The following GRIA2 variants were observed in gnomAD, a reference collection of about 807,000 sequenced individuals.
GRIA2 encodes glutamate receptor 2.
GRIA2 carries 14 observed loss-of-function variants against 97.3 expected under a neutral mutation model. The ratio of observed to expected loss-of-function variants is 0.14; its 90% CI spans 0.10 to 0.23. GRIA2 has a LOEUF of 0.23. Ranked by LOEUF, GRIA2 falls within the 10% of genes least tolerant of loss-of-function variation. The pLI is 1.00. For synonymous variants in GRIA2, 412 were observed against 387.8 expected (o/e 1.06, Z -0.73); for missense variants, 558 against 1,069.8 (o/e 0.52, Z 6.67).
intron 11 of GRIA2, among the ~76,000 whole-genome samples, chr4:157,340,780 T>C (rs1304146531): frequency 6.6e-6 from 1 of 152,016 alleles, no homozygotes; most frequent in Admixed American, 6.6e-5. Flanking sequence ...GCCTTTTTTG[T>C]TTTGGAAATT....
chr4:157,277,475 C>G (rs1159079467), intron 2 of GRIA2, among the ~76,000 whole-genome samples: 1 of 151,692 alleles, frequency 6.6e-6, no homozygotes, highest in Non-Finnish European at 1.5e-5. Flanking sequence ...AGGAACAAAG[C>G]AAGGATGTTC....
chr4:157,220,823 G>T lies in GRIA2; in HGVS notation c.-220G>T, dbSNP rs573040967. On this transcript the variant is annotated 5_prime_UTR_variant, in exon 1 of 16. Transcript: ENST00000264426. ...AAAACTGCATTCAGCCAGTCCTCCG[G>T]ACTTCTGGAGCGGGGACAGGGCGCA... 277 of 570,584 alleles carry T rather than the reference G, an allele frequency of 4.9e-4. 4 individuals carry two copies. The South Asian group carries it at 5.0e-3, about 10-fold the overall frequency. The allele number at this position is 570,584 out of a possible 1,614,324, so 35.3% of individuals were successfully genotyped here.
At chr4:157,287,575 G>A (rs760274910) in intron 2 of GRIA2, among the ~76,000 whole-genome samples, 1 of 151,628 alleles carries the variant, frequency 6.6e-6, no homozygotes, top group Admixed American at 6.6e-5. Context: ...AATTGCTTTC[G>A]ATTAATTTCC....
chr4:157,352,775 C>T (rs938809663), intron 12 of GRIA2, among the ~76,000 whole-genome samples: 28 of 150,608 alleles, frequency 1.9e-4, no homozygotes, highest in African/African-American at 5.9e-4. Context: ...CTTATAGGCC[C>T]GGCATGGTGG....
At chr4:157,231,314 C>G (rs1018700186) in intron 2 of GRIA2, among the ~76,000 whole-genome samples, 7 of 152,170 alleles carry the variant, frequency 4.6e-5, no homozygotes, top group Admixed American at 1.3e-4. Flanking sequence ...GCTGGGATTA[C>G]AGACGTGAGC....
chr4:157,255,102 G>A (rs575228437), intron 2 of GRIA2, among the ~76,000 whole-genome samples: 6 of 151,904 alleles, frequency 3.9e-5, no homozygotes, highest in Admixed American at 1.3e-4. Context: ...CAGTCTCCCC[G>A]TCTATCATTC....
intron 2 of GRIA2, among the ~76,000 whole-genome samples, chr4:157,222,506 C>A (rs917562328): frequency 1.3e-5 from 2 of 152,110 alleles, no homozygotes; most frequent in Non-Finnish European, 2.9e-5. Context: ...AAAGGGGGAG[C>A]GCTGTCAATT....
intron 12 of GRIA2, among the ~76,000 whole-genome samples, chr4:157,350,445 T>C (rs567608154): frequency 2.5e-4 from 38 of 152,206 alleles, no homozygotes; most frequent in African/African-American, 9.1e-4. Context: ...AGGTGGTGTT[T>C]GGTTACATGA....
chr4:157,244,372 T>C (rs565540742), intron 2 of GRIA2, among the ~76,000 whole-genome samples: 1 of 152,014 alleles, frequency 6.6e-6, no homozygotes, highest in African/African-American at 2.4e-5. Flanking sequence ...AGGTAAACAA[T>C]AAGGCAGGAA....
At chr4:157,302,367 G>A (rs75745626) in intron 2 of GRIA2, among the ~76,000 whole-genome samples, 4,553 of 152,176 alleles carry the variant, frequency 0.03, 75 homozygotes, top group Middle Eastern at 0.082. Context: ...GAATTGAATG[G>A]AAGGAATGTA....
At chr4:157,228,879 C>T (rs960232394) in intron 2 of GRIA2, among the ~76,000 whole-genome samples, 6 of 111,524 alleles carry the variant, frequency 5.4e-5, no homozygotes, top group Admixed American at 1.3e-4. Context: ...AACCTTGTTA[C>T]AAGTGGGTAG....
intron 2 of GRIA2, among the ~76,000 whole-genome samples, chr4:157,227,696 T>G (rs760464179): frequency 2.6e-5 from 4 of 152,210 alleles, no homozygotes; most frequent in Non-Finnish European, 5.9e-5. Context: ...TACAGTAGAT[T>G]GTACTGAAGA....
At chr4:157,362,710 G>T (rs1736686958) in intron 14 of GRIA2, 89 bp from the exon 15 acceptor site, 1 of 1,094,654 alleles carries the variant, frequency 9.1e-7, no homozygotes, top group Non-Finnish European at 1.3e-6. Context: ...TGACTAGGTT[G>T]TTCCCGTGAT....
At chr4:157,304,900 C>G (rs557632762) in intron 3 of GRIA2, among the ~76,000 whole-genome samples, 1 of 152,080 alleles carries the variant, frequency 6.6e-6, no homozygotes, top group South Asian at 2.1e-4. Context: ...CTGCCCTGTC[C>G]TCCTAATCCT....
chr4:157,360,085 G>C lies in GRIA2; in HGVS notation c.2233G>C (p.Gly745Arg). ...QRKPCDTMKV[G>R]GNLDSKGYGI... ...GAAGCCTTGCGACACCATGAAAGTT[G>C]GTGGAAACCTGGATTCCAAAGGCTA... Residue 745 changes from glycine (G) to arginine (R), a missense_variant, in exon 13 of 16, where the codon GGT becomes CGT. Coordinates refer to ENST00000264426, the MANE Select transcript of GRIA2 (RefSeq NM_001083619.3). 1 of 1,613,810 alleles carries C rather than the reference G, an allele frequency of 6.2e-7. No homozygotes were observed. The highest frequency in any genetic ancestry group is 2.2e-5 in the East Asian group (1 of 44,834).
In GRIA2 at chr4:157,313,518, G is replaced by A. The variant is rs537702884; in HGVS notation, c.666+643G>A. Among the ~76,000 whole-genome samples the A allele has an allele frequency of 2.4e-4, 37 of 152,220 alleles. 1 individual carries two copies. The highest frequency in any genetic ancestry group is 8.7e-4 in the African/African-American group (36 of 41,548). Reference sequence around the variant, plus strand: ...ATAAGGATATTTTTATCTGTGCTTAGATACTACCTTGCTTCAGTTTAAGGT... The same window carrying A: ...ATAAGGATATTTTTATCTGTGCTTAAATACTACCTTGCTTCAGTTTAAGGT... On this transcript the variant is annotated intron_variant, in intron 4 of 15. Transcript: ENST00000264426.
At chr4:157,238,181 C>G (rs539059428) in intron 2 of GRIA2, among the ~76,000 whole-genome samples, 3 of 152,164 alleles carry the variant, frequency 2.0e-5, no homozygotes, top group African/African-American at 7.2e-5. Flanking sequence ...TTGATTTAAA[C>G]TGGAATACTA....
chr4:157,267,033 G>A (rs1255325710), intron 2 of GRIA2, among the ~76,000 whole-genome samples: 1 of 151,850 alleles, frequency 6.6e-6, no homozygotes, highest in Admixed American at 6.6e-5. Flanking sequence ...AGCTGTGATT[G>A]TGTCACTGCA....
chr4:157,255,893 G>A lies in GRIA2; in HGVS notation c.229+34086G>A, dbSNP rs530802863. 4.6e-5 allele frequency among the ~76,000 whole-genome samples: 7 copies of A among 151,392 alleles called. No individual in the cohort carries two copies. In the South Asian group the frequency reaches 1.0e-3, roughly 22 times the overall value. On this transcript the variant is annotated intron_variant, in intron 2 of 15. Coordinates refer to ENST00000264426, the MANE Select transcript of GRIA2 (RefSeq NM_001083619.3). ...AAGAATACATACAAATGGCCAACAA[G>A]CATATGAAAAAATGCTTAACATTGC... is the stretch of plus-strand genomic sequence containing the variant.
Sources: allele counts gnomAD v4.1 joint callset (sites outside exome capture counted in the v4.1 genomes callset), GRCh38; gene constraint gnomAD v4.1.1; transcripts MANE v1.5; gene names NCBI Gene and HGNC (gene_info 2026-07-23, HGNC 2026-07-21).